The following NELL1 variants were observed in gnomAD, a reference collection of about 807,000 sequenced individuals.
The protein encoded by NELL1 is protein kinase C-binding protein NELL1.
In NELL1, 76 loss-of-function variants were observed where a neutral mutation model predicts 107.4. That is an observed-to-expected ratio of 0.71 (90% confidence interval 0.59 to 0.86). NELL1 has a LOEUF of 0.86. NELL1 is among the 40% of genes least tolerant of loss of function. The pLI, the probability that NELL1 is intolerant of heterozygous loss-of-function variation, is 0.00. For missense variants in NELL1, 1,024 were observed against 1,005.5 expected (o/e 1.02, Z -0.25); for synonymous variants, 353 against 341.2 (o/e 1.03, Z -0.38).
At chr11:21,240,927 G>A (rs1309002215) in intron 14 of NELL1, among the ~76,000 whole-genome samples, 6 of 151,980 alleles carry the variant, frequency 3.9e-5, no homozygotes, top group Non-Finnish European at 8.8e-5. Context: ...GTATCTCAGA[G>A]GGAGTGGAAA....
intron 13 of NELL1, among the ~76,000 whole-genome samples, chr11:21,118,728 A>G (rs1855294239): frequency 6.6e-6 from 1 of 152,056 alleles, no homozygotes; most frequent in African/African-American, 2.4e-5. Context: ...TCTCTTCTCA[A>G]ATCAATCAGT....
At chr11:20,795,569 A>G (rs1228395491) in intron 3 of NELL1, among the ~76,000 whole-genome samples, 1 of 152,230 alleles carries the variant, frequency 6.6e-6, no homozygotes, top group African/African-American at 2.4e-5. Flanking sequence ...TGCAGATTAA[A>G]TCTAATTGAA....
At chr11:21,416,692 A>G (rs1427834714) in intron 15 of NELL1, among the ~76,000 whole-genome samples, 1 of 152,066 alleles carries the variant, frequency 6.6e-6, no homozygotes, top group Non-Finnish European at 1.5e-5. Flanking sequence ...TGTAACAGCA[A>G]TTGGGTCTTC....
chr11:21,536,851 C>T (rs904028401), intron 16 of NELL1, among the ~76,000 whole-genome samples: 1 of 152,122 alleles, frequency 6.6e-6, no homozygotes. Context: ...ACCTGTAGAG[C>T]CCTATCACCC....
chr11:21,306,414 C>A (rs1349537760), intron 14 of NELL1, among the ~76,000 whole-genome samples: 2 of 152,000 alleles, frequency 1.3e-5, no homozygotes, highest in African/African-American at 4.8e-5. Flanking sequence ...ACGACTTGCT[C>A]ATGAGTGCAC....
intron 12 of NELL1, among the ~76,000 whole-genome samples, chr11:20,986,994 T>G (rs1249570089): frequency 6.6e-6 from 1 of 152,110 alleles, no homozygotes; most frequent in Non-Finnish European, 1.5e-5. Context: ...TTTTAAAGAA[T>G]TATTTCAGAA....
At position 21,560,304 on chromosome 11, in the gene NELL1, T is replaced by C; in HGVS notation, c.1902T>C (p.Cys634=). 1 of 1,613,306 alleles carries C rather than the reference T, an allele frequency of 6.2e-7. No individual in the cohort carries two copies. The highest frequency in any genetic ancestry group is 1.1e-5 in the South Asian group (1 of 91,034). The change falls in exon 17 of 20, where the codon TGT becomes TGC. Residue 634 remains cysteine, a synonymous_variant. Transcript: ENST00000357134. ...CTGGGCCCTCCTGCTCTGGTGACTG[T>C]CCTCATGAAGGGGGGCTGAAGCACA... ...CPSGPSCSGD[C]PHEGGLKHNG...
intron 14 of NELL1, among the ~76,000 whole-genome samples, chr11:21,302,422 A>G (rs1346107264): frequency 6.6e-6 from 1 of 152,022 alleles, no homozygotes; most frequent in African/African-American, 2.4e-5. Flanking sequence ...CTAATGTGCA[A>G]ATGGTTATCA....
chr11:21,230,156 C>T (rs546474972), intron 14 of NELL1, among the ~76,000 whole-genome samples: 4 of 152,262 alleles, frequency 2.6e-5, no homozygotes, highest in African/African-American at 7.2e-5. Flanking sequence ...TAAAATAGTA[C>T]GCTTAGTACT....
chr11:21,280,481 C>T (rs1209925085), intron 14 of NELL1, among the ~76,000 whole-genome samples: 1 of 152,170 alleles, frequency 6.6e-6, no homozygotes, highest in Non-Finnish European at 1.5e-5. Flanking sequence ...CCCCATCACT[C>T]AGCAGGAGCC....
intron 2 of NELL1, among the ~76,000 whole-genome samples, chr11:20,704,775 G>T (rs1854895891): frequency 6.6e-6 from 1 of 152,050 alleles, no homozygotes; most frequent in Admixed American, 6.6e-5. Context: ...GCTTAGTTTG[G>T]CTGGATATGA....
At chr11:20,853,417 T>C (rs980333881) in intron 4 of NELL1, among the ~76,000 whole-genome samples, 1 of 152,242 alleles carries the variant, frequency 6.6e-6, no homozygotes, top group Admixed American at 6.5e-5. Context: ...GCAAGAAATC[T>C]ATGTCTAATT....
At position 21,269,372 on chromosome 11, in the gene NELL1, T is replaced by A. The variant is rs573056636; in HGVS notation, c.1549+39918T>A. Among the ~76,000 whole-genome samples, 4 of 151,524 alleles carry A rather than the reference T, an allele frequency of 2.6e-5. No individual in the cohort carries two copies. In the East Asian group the frequency reaches 5.9e-4, roughly 22 times the overall value. On this transcript the variant is annotated intron_variant, in intron 14 of 19. Coordinates refer to ENST00000357134, the MANE Select transcript of NELL1 (RefSeq NM_006157.5). Reference sequence around the variant, plus strand: ...ATCCCTCTCTCTCTCTCTCTCTCTCTCTCTCACACACACACACACAGAGGC... The same window carrying A: ...ATCCCTCTCTCTCTCTCTCTCTCTCACTCTCACACACACACACACAGAGGC...
chr11:20,820,209 C>CG (rs1292058642), intron 3 of NELL1, among the ~76,000 whole-genome samples: 2 of 152,098 alleles, frequency 1.3e-5, no homozygotes, highest in Admixed American at 1.3e-4. Context: ...GAAAGCCTGA[C>CG]ATAAGGTAAC....
At chr11:21,322,947 C>T (rs1281459718) in intron 14 of NELL1, among the ~76,000 whole-genome samples, 1 of 142,730 alleles carries the variant, frequency 7.0e-6, no homozygotes, top group Non-Finnish European at 1.5e-5. Flanking sequence ...ATTGAAAGTG[C>T]CCCCTTAGGA....
At chr11:20,884,395 C>T (rs1435520032) in intron 4 of NELL1, among the ~76,000 whole-genome samples, 2 of 152,162 alleles carry the variant, frequency 1.3e-5, no homozygotes, top group Non-Finnish European at 2.9e-5. Flanking sequence ...ATTCCGCAGC[C>T]GTTGCTCAGT....
chr11:20,783,328 C>G (rs1259929966), intron 2 of NELL1, among the ~76,000 whole-genome samples: 2 of 152,200 alleles, frequency 1.3e-5, no homozygotes, highest in African/African-American at 4.8e-5. Context: ...TTGCAGCAAA[C>G]TGAATTGCTC....
At chr11:21,078,250 T>C (rs1854187438) in intron 12 of NELL1, among the ~76,000 whole-genome samples, 2 of 152,112 alleles carry the variant, frequency 1.3e-5, no homozygotes, top group African/African-American at 4.8e-5. Context: ...AATAAATACA[T>C]ATCCAGCCAA....
At chr11:21,307,868 T>G (rs1450153731) in intron 14 of NELL1, among the ~76,000 whole-genome samples, 1 of 152,024 alleles carries the variant, frequency 6.6e-6, no homozygotes, top group Non-Finnish European at 1.5e-5. Context: ...AAAAAACAAG[T>G]AACCTTGTAC....
Sources: allele counts gnomAD v4.1 joint callset (sites outside exome capture counted in the v4.1 genomes callset), GRCh38; gene constraint gnomAD v4.1.1; transcripts MANE v1.5; gene names NCBI Gene and HGNC (gene_info 2026-07-23, HGNC 2026-07-21).